Variants in IL16 observed in about 807,000 individuals in gnomAD.
IL16 encodes the protein interleukin 16, also known as pro-interleukin-16.
In IL16, 67 loss-of-function variants were observed where a neutral mutation model predicts 110.1. The ratio of observed to expected loss-of-function variants is 0.61; its 90% CI spans 0.50 to 0.75. IL16 has a LOEUF of 0.75. Ranked by LOEUF, IL16 falls within the 30% of genes least tolerant of loss-of-function variation. IL16 has a pLI of 0.00. For missense variants in IL16, 1,545 were observed against 1,655.0 expected (o/e 0.93, Z 1.15); for synonymous variants, 689 against 662.9 (o/e 1.04, Z -0.61).
At chr15:81,199,514 C>T (rs980991570) in intron 1 of IL16, among the ~76,000 whole-genome samples, 2 of 152,160 alleles carry the variant, frequency 1.3e-5, no homozygotes, top group Non-Finnish European at 2.9e-5. Context: ...GGACAGTGAC[C>T]CGATGCTGGG....
At chr15:81,214,056 G>T (rs998481580) in intron 1 of IL16, among the ~76,000 whole-genome samples, 6 of 151,904 alleles carry the variant, frequency 3.9e-5, no homozygotes, top group Non-Finnish European at 8.8e-5. Context: ...TGTTTTTGTG[G>T]CAGTAGGTAT....
intron 15 of IL16, among the ~76,000 whole-genome samples, chr15:81,301,849 G>A (rs1057011864): frequency 2.6e-5 from 4 of 152,228 alleles, no homozygotes; most frequent in African/African-American, 9.6e-5. Context: ...ATGTGCTGCT[G>A]TCCTGGCATG....
intron 1 of IL16, among the ~76,000 whole-genome samples, chr15:81,216,787 T>G (rs902187039): frequency 2.0e-5 from 3 of 152,288 alleles, no homozygotes; most frequent in Non-Finnish European, 4.4e-5. Flanking sequence ...CTACTGTGCC[T>G]GGCACCCCAA....
intron 1 of IL16, chr15:81,188,206 A>G (rs1436576977): frequency 9.9e-6 from 4 of 406,032 alleles, no homozygotes; most frequent in Non-Finnish European, 2.0e-5. Flanking sequence ...GAATACAAAA[A>G]CAGCACAAAA....
At chr15:81,227,365 G>A (rs1361999236) in intron 2 of IL16, among the ~76,000 whole-genome samples, 1 of 152,112 alleles carries the variant, frequency 6.6e-6, no homozygotes, top group Non-Finnish European at 1.5e-5. Context: ...TATTGAAAAG[G>A]TAATCACAAA....
intron 1 of IL16, among the ~76,000 whole-genome samples, chr15:81,205,734 A>G (rs1286262379): frequency 6.6e-6 from 1 of 152,160 alleles, no homozygotes; most frequent in East Asian, 1.9e-4. Flanking sequence ...TAAAGAAACA[A>G]ACTCTCTCTC....
chr15:81,231,324 G>GTC (rs532872365), intron 2 of IL16, among the ~76,000 whole-genome samples: 875 of 47,144 alleles, frequency 0.019, 145 homozygotes, highest in East Asian at 0.049. Context: ...AGGTCGGTCT[G>GTC]TCTCTCTCTC....
chr15:81,259,036 T>C (rs1567022234), intron 2 of IL16, among the ~76,000 whole-genome samples: 1 of 152,126 alleles, frequency 6.6e-6, no homozygotes, highest in South Asian at 2.1e-4. Flanking sequence ...TTAACATATA[T>C]ATATTTGATT....
At chr15:81,215,855 C>T (rs1323101214) in intron 1 of IL16, among the ~76,000 whole-genome samples, 3 of 152,220 alleles carry the variant, frequency 2.0e-5, no homozygotes, top group Non-Finnish European at 2.9e-5. Flanking sequence ...GGCACCAGAA[C>T]ATCCCATGGC....
intron 6 of IL16, among the ~76,000 whole-genome samples, chr15:81,277,791 A>G (rs1369317585): frequency 2.6e-5 from 4 of 152,230 alleles, no homozygotes; most frequent in African/African-American, 4.8e-5. Flanking sequence ...AGGCGACAGC[A>G]GATTCATCAG....
chr15:81,186,494 G>A (rs1001482925), intron 1 of IL16, among the ~76,000 whole-genome samples: 12 of 152,168 alleles, frequency 7.9e-5, no homozygotes, highest in Admixed American at 7.2e-4. Flanking sequence ...GCTTCCACTC[G>A]ACATTGGGTT....
chr15:81,294,403 G>T (rs1414984006), intron 12 of IL16, among the ~76,000 whole-genome samples: 1 of 152,220 alleles, frequency 6.6e-6, no homozygotes, highest in East Asian at 1.9e-4. Flanking sequence ...CCTTCCTCCT[G>T]GAGGCCCAGA....
At chr15:81,250,009 G>T (rs1897711580) in intron 2 of IL16, among the ~76,000 whole-genome samples, 1 of 151,790 alleles carries the variant, frequency 6.6e-6, no homozygotes, top group Non-Finnish European at 1.5e-5. Context: ...TTTCAAGTTG[G>T]CTGGGAAGCC....
At chr15:81,209,038 T>G (rs554157398) in intron 1 of IL16, among the ~76,000 whole-genome samples, 3 of 152,184 alleles carry the variant, frequency 2.0e-5, no homozygotes, top group East Asian at 1.9e-4. Context: ...TGATGATGAT[T>G]ATTATTTCTA....
Position 81,293,020 on chromosome 15 carries a change from C to A in IL16, c.1885C>A (p.Pro629Thr), listed in dbSNP as rs1899813804. ...ENSSCSSGHT[P>T]PTCGQEAREL... ...CTCCTCATGCTCTTCTGGGCACACC[C>A]CACCCACCTGTGGCCAGGTAAGAGG... is the stretch of plus-strand genomic sequence containing the variant. The change falls in exon 12 of 19, where the codon CCA becomes ACA. Residue 629 changes from proline (P) to threonine (T), a missense_variant. Transcript: ENST00000683961. 1.2e-6 allele frequency: 2 copies of A among 1,607,908 alleles called. No homozygotes were observed. The highest frequency in any genetic ancestry group is 1.7e-6 in the Non-Finnish European group (2 of 1,178,940).
chr15:81,284,760 T>TTTG (rs947960800), intron 9 of IL16, among the ~76,000 whole-genome samples: 2 of 152,172 alleles, frequency 1.3e-5, no homozygotes, highest in African/African-American at 4.8e-5. Context: ...CTGTTTTGGT[T>TTTG]TTGTTGTTGT....
intron 2 of IL16, among the ~76,000 whole-genome samples, chr15:81,239,646 A>G (rs983042570): frequency 1.3e-5 from 2 of 152,226 alleles, no homozygotes; most frequent in African/African-American, 4.8e-5. Flanking sequence ...CTGCTGCTAA[A>G]GTAGACATAT....
chr15:81,306,937 T>C, intron 18 of IL16: 2 of 312,722 alleles, frequency 6.4e-6, no homozygotes, highest in South Asian at 5.5e-5. Flanking sequence ...TAAAAAAACA[T>C]GTTGGACAAA....
chr15:81,270,212 A>G (rs1175067436), intron 5 of IL16, among the ~76,000 whole-genome samples: 1 of 152,210 alleles, frequency 6.6e-6, no homozygotes, highest in African/African-American at 2.4e-5. Context: ...AGATATAGCC[A>G]AAGGGGATAC....
Sources: allele counts gnomAD v4.1 joint callset (sites outside exome capture counted in the v4.1 genomes callset), GRCh38; gene constraint gnomAD v4.1.1; transcripts MANE v1.5; gene names NCBI Gene and HGNC (gene_info 2026-07-23, HGNC 2026-07-21).